Variants in LRRC8B observed in about 807,000 individuals in gnomAD.
LRRC8B encodes leucine rich repeat containing 8 VRAC subunit B.
LRRC8B carries 23 observed loss-of-function variants against 58.8 expected under a neutral mutation model. That is an observed-to-expected ratio of 0.39 (90% CI 0.28 to 0.55). The LOEUF (loss-of-function observed/expected upper bound fraction) is 0.55, where lower values mean the gene tolerates loss of function less well. Ranked by LOEUF, LRRC8B falls within the 20% of genes least tolerant of loss-of-function variation. LRRC8B has a pLI of 0.62. For missense variants in LRRC8B, 694 were observed against 936.0 expected, an observed-to-expected ratio of 0.74 and a Z score of 3.37; for synonymous variants, 359 against 374.1, an observed-to-expected ratio of 0.96 and a Z score of 0.47.
chr1:89,568,769 A>C (rs1288703838), intron 3 of LRRC8B, among the ~76,000 whole-genome samples: 1 of 152,130 alleles, frequency 6.6e-6, no homozygotes, highest in Non-Finnish European at 1.5e-5. Flanking sequence ...TTTAACAGTA[A>C]AATCTAAGGA....
At chr1:89,589,870 T>C (rs748542912) in intron 5 of LRRC8B, among the ~76,000 whole-genome samples, 8 of 151,910 alleles carry the variant, frequency 5.3e-5, no homozygotes, top group Non-Finnish European at 7.4e-5. Context: ...ATGTCAGCCA[T>C]AGATGTAAAA....
chr1:89,551,795 C>T (rs1651837767), intron 1 of LRRC8B, among the ~76,000 whole-genome samples: 1 of 152,106 alleles, frequency 6.6e-6, no homozygotes, highest in Non-Finnish European at 1.5e-5. Context: ...TGAATGAGAC[C>T]CACTAGCCAG....
At chr1:89,528,563 A>G (rs116284503) in intron 1 of LRRC8B, among the ~76,000 whole-genome samples, 2 of 152,344 alleles carry the variant, frequency 1.3e-5, no homozygotes, top group African/African-American at 2.4e-5. Flanking sequence ...GTTGTGGATT[A>G]GTTAAAATTA....
At chr1:89,582,227 A>AG (rs1654278497) in intron 4 of LRRC8B, among the ~76,000 whole-genome samples, 1 of 129,648 alleles carries the variant, frequency 7.7e-6, no homozygotes, top group Non-Finnish European at 1.8e-5. Flanking sequence ...AAAAAGGAAG[A>AG]AAAAAAGAAA....
At chr1:89,532,418 A>G (rs188607184) in intron 1 of LRRC8B, among the ~76,000 whole-genome samples, 16 of 152,304 alleles carry the variant, frequency 1.1e-4, no homozygotes, top group Admixed American at 1.0e-3. Flanking sequence ...TCCCCACCCA[A>G]ATCTCATCTT....
At chr1:89,536,955 G>C (rs1356427316) in intron 1 of LRRC8B, among the ~76,000 whole-genome samples, 1 of 152,054 alleles carries the variant, frequency 6.6e-6, no homozygotes, top group African/African-American at 2.4e-5. Context: ...ATTTCAACAT[G>C]CCTTGAAATC....
chr1:89,549,614 G>A (rs186740909), intron 1 of LRRC8B, among the ~76,000 whole-genome samples: 98 of 152,250 alleles, frequency 6.4e-4, no homozygotes, highest in African/African-American at 2.3e-3. Context: ...CATTTGAAGA[G>A]ATGTTTTGTA....
intron 1 of LRRC8B, among the ~76,000 whole-genome samples, chr1:89,529,200 T>G (rs1471515957): frequency 6.6e-6 from 1 of 152,204 alleles, no homozygotes. Context: ...TAAATCCTGT[T>G]TATATTCCTC....
At chr1:89,579,008 ATTAAC>A (rs564203696) in intron 3 of LRRC8B, among the ~76,000 whole-genome samples, 101 of 152,340 alleles carry the variant, frequency 6.6e-4, no homozygotes, top group Admixed American at 6.0e-3. Flanking sequence ...GAAAAAGTAT[ATTAAC>A]TTATCACTTT....
intron 1 of LRRC8B, among the ~76,000 whole-genome samples, chr1:89,545,864 A>G (rs1383338760): frequency 6.6e-6 from 1 of 152,174 alleles, no homozygotes; most frequent in African/African-American, 2.4e-5. Flanking sequence ...TGGACGGGAA[A>G]TGTTTGAGCA....
intron 1 of LRRC8B, among the ~76,000 whole-genome samples, chr1:89,556,584 A>G (rs549321432): frequency 6.6e-6 from 1 of 152,128 alleles, no homozygotes; most frequent in East Asian, 1.9e-4. Context: ...AGTTAATGTC[A>G]GAATAGGATT....
chr1:89,574,316 A>G lies in LRRC8B; in HGVS notation c.-124-5275A>G, dbSNP rs572222590. ...TTACACAGAATAAAGAATCAAAACA[A>G]AAATTGGTACCTAGAAGTGAGATGC... On this transcript the variant is annotated intron_variant, in intron 3 of 5. Coordinates refer to ENST00000330947, the MANE Select transcript of LRRC8B (RefSeq NM_001369817.2). 5.9e-5 allele frequency among the ~76,000 whole-genome samples: 9 copies of G among 152,388 alleles called. No individual in the cohort carries two copies. The East Asian group carries it at 1.3e-3, about 23-fold the overall frequency.
Position 89,536,637 on chromosome 1 carries a change from A to G in LRRC8B, c.-241+11615A>G, listed in dbSNP as rs373872575. Among the ~76,000 whole-genome samples, 7 of 152,198 alleles carry G rather than the reference A, an allele frequency of 4.6e-5. No individual in the cohort carries two copies. The East Asian group carries it at 9.6e-4, about 21-fold the overall frequency. On this transcript the variant is annotated intron_variant, in intron 1 of 5. Coordinates refer to ENST00000330947, the MANE Select transcript of LRRC8B (RefSeq NM_001369817.2). ...GGGAAATAAGCAAATGCAAGGTGTA[A>G]TGTCATGCAATAAAGTGCTATGAAG... is the stretch of plus-strand genomic sequence containing the variant.
Position 89,561,942 on chromosome 1 carries a change from G to A in LRRC8B, c.-240-6305G>A, listed in dbSNP as rs373440696. Among the ~76,000 whole-genome samples the A allele has an allele frequency of 1.1e-4, 16 of 152,034 alleles. No homozygotes were observed. In the East Asian group the frequency reaches 1.5e-3, roughly 15 times the overall value. On this transcript the variant is annotated intron_variant, in intron 1 of 5. Transcript: ENST00000330947. The stretch of plus-strand genomic sequence containing the variant: ...TCCTTTTATATGCCTTTATCCACTC[G>A]TGCTTTAGGTGAGCAGTTCGACCCC...
At position 89,593,699 on chromosome 1, in the gene LRRC8B, C is replaced by G. The variant is rs1229700914; in HGVS notation, c.*656C>G. Reference sequence around the variant, plus strand: ...TTCTCTCCTCTTCTTCCCCCAGTCCCCATTACTTATTTGCACACTTGTTTT... The same window carrying G: ...TTCTCTCCTCTTCTTCCCCCAGTCCGCATTACTTATTTGCACACTTGTTTT... On this transcript the variant is annotated 3_prime_UTR_variant, in exon 6 of 6. Transcript: ENST00000330947. 1 of 152,076 alleles carries G rather than the reference C, an allele frequency of 6.6e-6. No homozygotes were observed. The highest frequency in any genetic ancestry group is 1.5e-5 in the Non-Finnish European group (1 of 68,042). 9.4% of individuals were successfully genotyped at this position (152,076 alleles called of 1,614,324 possible). A position where few individuals can be genotyped will look rare whatever the true frequency, so the allele number is the denominator to read the frequency against.
rs1654449100 is a variant in LRRC8B at position 89,584,098 on chromosome 1, C to T, written c.1448C>T (p.Ala483Val). Residue 483 changes from alanine (A) to valine (V), a missense_variant, in exon 5 of 6, where the codon GCC (alanine) becomes GTC (valine). Ala to Val is a moderately conservative substitution (Grantham distance 64). Coordinates refer to ENST00000330947, the MANE Select transcript of LRRC8B (RefSeq NM_001369817.2). ...SSLVVDHPAL[A>V]FLEENLKILR... Reference sequence around the variant, plus strand: ...CTGGTCGTAGACCATCCTGCACTGGCCTTTCTAGAGGAGAATTTAAAAATC... The same window carrying T: ...CTGGTCGTAGACCATCCTGCACTGGTCTTTCTAGAGGAGAATTTAAAAATC... 1 of 1,613,992 alleles carries T rather than the reference C, an allele frequency of 6.2e-7. No individual in the cohort carries two copies. The highest frequency in any genetic ancestry group is 8.5e-7 in the Non-Finnish European group (1 of 1,180,034).
chr1:89,583,018 A>G lies in LRRC8B; in HGVS notation c.368A>G (p.Tyr123Cys), dbSNP rs1429848705. The change falls in exon 5 of 6, where the codon TAT becomes TGT. Residue 123 changes from tyrosine to cysteine, a missense_variant. This residue lies in a region of LRRC8B where 316 missense variants were observed against 403.8 expected (regional missense o/e 0.78). Transcript: ENST00000330947. The surrounding 1 kb of genome is among the most constrained non-coding windows in gnomAD (Gnocchi z 5.2). ...CATTGGTTTGCAAAGTTTTTCCCCT[A>G]TCTGGTGCTCTTGCACACGCTCATC... Reference protein sequence around the residue: ...QLHWFAKFFPYLVLLHTLIFA... With the variant: ...QLHWFAKFFPCLVLLHTLIFA... The G allele has an allele frequency of 1.2e-6, 2 of 1,613,892 alleles. No homozygotes were observed. Among genetic ancestry groups the G allele is most frequent in the Non-Finnish European group, 1.7e-6 (2 of 1,180,002 alleles).
At chr1:89,528,252 C>G (rs1010124838) in intron 1 of LRRC8B, among the ~76,000 whole-genome samples, 1 of 152,216 alleles carries the variant, frequency 6.6e-6, no homozygotes, top group African/African-American at 2.4e-5. Flanking sequence ...TTCTATTTCT[C>G]TTCCGTATCC....
chr1:89,589,581 A>C (rs1241670863), intron 5 of LRRC8B, among the ~76,000 whole-genome samples: 1 of 144,508 alleles, frequency 6.9e-6, no homozygotes, highest in Admixed American at 7.0e-5. Context: ...TTCTTATATT[A>C]GTTTGAAGAC....
Sources: gnomAD v4.1 joint callset for allele counts (sites outside exome capture counted in the v4.1 genomes callset) on GRCh38, gnomAD v4.1.1 for gene constraint, gnomAD v4.1.1 regional missense constraint, Gnocchi (gnomAD v3.1) non-coding constraint, MANE v1.5 for transcripts, NCBI Gene and HGNC (gene_info 2026-07-23, HGNC 2026-07-21) for gene names.